The following MATN2 variants were observed in gnomAD, a reference collection of about 807,000 sequenced individuals.
The protein encoded by MATN2 is matrilin-2.
In MATN2, 69 loss-of-function variants were observed where a neutral mutation model predicts 103.2. The observed-to-expected ratio is 0.67, with a 90% confidence interval of 0.55 to 0.82. MATN2 has a LOEUF of 0.82. MATN2 is among the 40% of genes least tolerant of loss of function. MATN2 has a pLI of 0.00. For missense variants in MATN2, 1,023 were observed against 1,211.5 expected (o/e 0.84, Z 2.31); for synonymous variants, 429 against 450.2 (o/e 0.95, Z 0.60).
At chr8:97,884,384 C>A (rs369834679) in intron 1 of MATN2, among the ~76,000 whole-genome samples, 1 of 152,178 alleles carries the variant, frequency 6.6e-6, no homozygotes, top group South Asian at 2.1e-4. Context: ...AGGTGATACA[C>A]CCACCTTAGC....
chr8:97,906,452 C>T (rs1295288439), intron 2 of MATN2, among the ~76,000 whole-genome samples: 2 of 152,152 alleles, frequency 1.3e-5, no homozygotes, highest in Non-Finnish European at 2.9e-5. Flanking sequence ...TCAAAGGAGC[C>T]CTTTTCCCTC....
intron 2 of MATN2, among the ~76,000 whole-genome samples, chr8:97,891,964 C>T (rs1170732952): frequency 6.6e-6 from 1 of 151,878 alleles, no homozygotes; most frequent in Admixed American, 6.6e-5. Flanking sequence ...AGGCCGTGCA[C>T]AGTGGCTCAC....
intron 13 of MATN2, chr8:98,024,930 CTACTT>C (rs1469643380): frequency 2.0e-5 from 3 of 152,202 alleles, no homozygotes; most frequent in Non-Finnish European, 4.4e-5. Context: ...CTTTTCCACT[CTACTT>C]TGTTTTGTGT....
At chr8:98,019,477 T>C (rs1813500840) in intron 12 of MATN2, among the ~76,000 whole-genome samples, 1 of 152,228 alleles carries the variant, frequency 6.6e-6, no homozygotes, top group Non-Finnish European at 1.5e-5. Context: ...TAGAGGGTGA[T>C]CTGATCTGCT....
chr8:98,035,882 T>C lies in MATN2; in HGVS notation c.*170T>C. 2.4e-6 allele frequency: 1 copy of C among 418,372 alleles called. No homozygotes were observed. The highest frequency in any genetic ancestry group is 4.3e-6 in the Non-Finnish European group (1 of 232,028). 25.9% of individuals were successfully genotyped at this position (418,372 alleles called of 1,614,324 possible). On this transcript the variant is annotated 3_prime_UTR_variant, in exon 19 of 19. Transcript: ENST00000254898. ...ACAAAGACAAGAAGTATACACTAAC[T>C]TGTATAAATTTATCTAGGAAAAAAA...
chr8:97,940,935 GA>G (rs902477342), intron 3 of MATN2, among the ~76,000 whole-genome samples: 71 of 152,090 alleles, frequency 4.7e-4, no homozygotes, highest in African/African-American at 1.7e-3. Flanking sequence ...AAACTGGGAG[GA>G]TTGCTTGAGC....
intron 3 of MATN2, among the ~76,000 whole-genome samples, chr8:97,938,749 C>A (rs917271509): frequency 6.6e-6 from 1 of 152,166 alleles, no homozygotes; most frequent in South Asian, 2.1e-4. Context: ...GAATACTAAA[C>A]CATTGCTCCA....
At chr8:97,959,233 A>G (rs1174287209) in intron 4 of MATN2, among the ~76,000 whole-genome samples, 1 of 151,948 alleles carries the variant, frequency 6.6e-6, no homozygotes, top group East Asian at 1.9e-4. Context: ...GGCCGAAAAT[A>G]CTCTTCCTAA....
intron 4 of MATN2, among the ~76,000 whole-genome samples, chr8:97,951,820 C>T (rs1041263964): frequency 7.2e-5 from 11 of 152,178 alleles, no homozygotes; most frequent in Non-Finnish European, 1.3e-4. Context: ...TCCCCCCTTC[C>T]TCCTTTTCCC....
chr8:97,954,273 T>G (rs559677284), intron 4 of MATN2, among the ~76,000 whole-genome samples: 1 of 152,172 alleles, frequency 6.6e-6, no homozygotes, highest in African/African-American at 2.4e-5. Flanking sequence ...AAATAAAAAT[T>G]TGGAGAAGGT....
rs780715560 is a variant in MATN2, at chr8:98,027,665, G to T, written c.2192G>T (p.Gly731Val). Residue 731 changes from glycine (G) to valine (V), a missense_variant, in exon 14 of 19, where the codon GGC (glycine) becomes GTC (valine). Transcript: ENST00000254898. ...GCCCACATGAAATACATGGGAAAGG[G>T]CTCTATGACTGGGCTGGCCCTGAAA... ...AVAHMKYMGKGSMTGLALKHM... is the reference protein window; with the variant it reads ...AVAHMKYMGKVSMTGLALKHM... 6.2e-6 allele frequency: 10 copies of T among 1,613,944 alleles called. No individual in the cohort carries two copies. The highest frequency in any genetic ancestry group is 7.6e-6 in the Non-Finnish European group (9 of 1,179,872).
chr8:97,889,488 T>TATATATATATATATATATATAA (rs1347479451), intron 2 of MATN2, among the ~76,000 whole-genome samples: 1 of 133,356 alleles, frequency 7.5e-6, no homozygotes, highest in Non-Finnish European at 1.6e-5. Context: ...TATATATATA[T>TATATATATATATATATATATAA]AAAACTGATG....
chr8:97,935,809 G>A (rs780994769), intron 3 of MATN2, among the ~76,000 whole-genome samples: 1 of 152,204 alleles, frequency 6.6e-6, no homozygotes, highest in Non-Finnish European at 1.5e-5. Flanking sequence ...GAGTTGAGAC[G>A]TGAGCCTAGG....
intron 2 of MATN2, among the ~76,000 whole-genome samples, chr8:97,917,424 A>G (rs1490226125): frequency 6.6e-6 from 1 of 152,232 alleles, no homozygotes; most frequent in Non-Finnish European, 1.5e-5. Context: ...GAAGGTTGAC[A>G]TTCAGCCTGT....
chr8:98,029,617 T>C (rs1170480084), intron 14 of MATN2, among the ~76,000 whole-genome samples: 1 of 152,208 alleles, frequency 6.6e-6, no homozygotes, highest in African/African-American at 2.4e-5. Flanking sequence ...CGGACAAATA[T>C]GCTGAACTTG....
At chr8:97,905,748 G>T (rs1819146886) in intron 2 of MATN2, among the ~76,000 whole-genome samples, 1 of 152,044 alleles carries the variant, frequency 6.6e-6, no homozygotes, top group Admixed American at 6.6e-5. Flanking sequence ...CTGCAACCTT[G>T]ACTTCCCTGG....
intron 6 of MATN2, among the ~76,000 whole-genome samples, chr8:97,994,144 GGAAA>G (rs531077047): frequency 1.7e-4 from 24 of 140,726 alleles, no homozygotes; most frequent in African/African-American, 3.1e-4. Context: ...GAGGAAGGAA[GGAAA>G]GAAAGAAAGA....
At chr8:98,034,089 C>G (rs1586179742) in intron 18 of MATN2, 2 of 436,640 alleles carry the variant, frequency 4.6e-6, no homozygotes, top group Admixed American at 5.2e-5. Flanking sequence ...CCTTTAGCCC[C>G]AAGGAACACC....
chr8:98,024,412 G>A (rs1005200136), intron 13 of MATN2, among the ~76,000 whole-genome samples: 1 of 152,178 alleles, frequency 6.6e-6, no homozygotes, highest in Non-Finnish European at 1.5e-5. Context: ...GGCTGAGACA[G>A]GAGAATCACT....
Sources: gnomAD v4.1 joint callset for allele counts (sites outside exome capture counted in the v4.1 genomes callset) on GRCh38, gnomAD v4.1.1 for gene constraint, MANE v1.5 for transcripts, NCBI Gene and HGNC (gene_info 2026-07-23, HGNC 2026-07-21) for gene names.